Variants in TMEM232 observed in about 807,000 individuals in gnomAD.
The protein encoded by TMEM232 is transmembrane protein 232.
In TMEM232, 80 loss-of-function variants were observed where a neutral mutation model predicts 78.8. That is an observed-to-expected ratio of 1.01 (90% CI 0.85 to 1.22). TMEM232 has a LOEUF of 1.22. Ranked by LOEUF, TMEM232 falls within the 50% of genes most tolerant of loss-of-function variation. The probability of loss-of-function intolerance (pLI) is 0.00; values close to 1 mark genes in which losing one functional copy is unlikely to be tolerated. For missense variants in TMEM232, 881 were observed against 742.2 expected (o/e 1.19, Z -2.17); for synonymous variants, 297 against 254.3 (o/e 1.17, Z -1.60).
chr5:110,543,851 T>C (rs560757014), intron 11 of TMEM232, among the ~76,000 whole-genome samples: 3 of 152,310 alleles, frequency 2.0e-5, no homozygotes, highest in Admixed American at 2.0e-4. Flanking sequence ...AATAAGATCA[T>C]GATTATACTT....
Position 110,528,569 on chromosome 5 carries a change from C to A in TMEM232, c.1703+19G>T. 1 of 1,508,340 alleles carries A rather than the reference C, an allele frequency of 6.6e-7. No homozygotes were observed. The highest frequency in any genetic ancestry group is 1.3e-5 in the South Asian group (1 of 77,816). The allele number at this position is 1,508,340 out of a possible 1,614,324, so 93.4% of individuals were successfully genotyped here. A position where few individuals can be genotyped will look rare whatever the true frequency, so the allele number is the denominator to read the frequency against. Reference sequence around the variant, plus strand: ...TTGTAATGTATTAGAACAATAAAACCGATAGTACTTCTCTTTACCTTACAG... The same window carrying A: ...TTGTAATGTATTAGAACAATAAAACAGATAGTACTTCTCTTTACCTTACAG... On this transcript the variant is annotated intron_variant, in intron 12 of 13. Transcript: ENST00000455884.
At chr5:110,456,674 C>T (rs75781932) in intron 12 of TMEM232, among the ~76,000 whole-genome samples, 2,489 of 152,114 alleles carry the variant, frequency 0.016, 39 homozygotes, top group African/African-American at 0.044. Flanking sequence ...TCAAGACAGA[C>T]AATTAGATCA....
At chr5:110,629,310 A>G (rs1191643222) in intron 5 of TMEM232, among the ~76,000 whole-genome samples, 1 of 152,152 alleles carries the variant, frequency 6.6e-6, no homozygotes, top group Admixed American at 6.5e-5. Flanking sequence ...GTCAGCATGA[A>G]TAACATTTGT....
chr5:110,628,276 G>A (rs1784666514), intron 5 of TMEM232, among the ~76,000 whole-genome samples: 1 of 152,008 alleles, frequency 6.6e-6, no homozygotes, highest in Non-Finnish European at 1.5e-5. Context: ...GTATATAAAT[G>A]AGTGTATATT....
At chr5:110,412,505 G>A (rs1353042817) in intron 2 of TMEM232, among the ~76,000 whole-genome samples, 1 of 151,444 alleles carries the variant, frequency 6.6e-6, no homozygotes, top group Non-Finnish European at 1.5e-5. Flanking sequence ...TGTCGAATAT[G>A]TGACTTAAAA....
Position 110,396,535 on chromosome 5 carries a change from A to G in TMEM232, n.390+1238T>C, listed in dbSNP as rs148732699. 4.1e-3 allele frequency among the ~76,000 whole-genome samples: 625 copies of G among 152,320 alleles called. 8 individuals carry two copies. Among genetic ancestry groups the G allele is most frequent in the South Asian group, 0.031 (149 of 4,822 alleles). On this transcript the variant is annotated intron_variant and non_coding_transcript_variant, in intron 3 of 8. Coordinates refer to the TMEM232 transcript ENST00000507188. ...ATGTGAGGTATGTTTTGGGGCATCA[A>G]GCTTCTGGTTAGCATTGCTTGTGCA... is the stretch of plus-strand genomic sequence containing the variant.
At chr5:110,492,260 CA>C (rs1765187252) in intron 12 of TMEM232, among the ~76,000 whole-genome samples, 1 of 151,234 alleles carries the variant, frequency 6.6e-6, no homozygotes, top group African/African-American at 2.4e-5. Context: ...ATATTATTAA[CA>C]GAAAGGAAAA....
At chr5:110,618,362 G>T (rs1249785517) in intron 8 of TMEM232, 67 bp downstream of exon 8, 3 of 1,526,670 alleles carry the variant, frequency 2.0e-6, no homozygotes, top group Non-Finnish European at 2.6e-6. Context: ...TAGGTACAAG[G>T]GTTATTTAAC....
intron 1 of TMEM232, among the ~76,000 whole-genome samples, chr5:110,722,794 G>T (rs1797778903): frequency 6.6e-6 from 1 of 152,174 alleles, no homozygotes; most frequent in Non-Finnish European, 1.5e-5. Context: ...CACAGCCATA[G>T]TACTTTTTAT....
intron 12 of TMEM232, among the ~76,000 whole-genome samples, chr5:110,485,295 TAC>T (rs1380009859): frequency 6.6e-6 from 1 of 152,182 alleles, no homozygotes; most frequent in Non-Finnish European, 1.5e-5. Context: ...CAGCAGAATA[TAC>T]ATTCTTCTCA....
intron 10 of TMEM232, among the ~76,000 whole-genome samples, chr5:110,597,390 C>A (rs1375512132): frequency 6.6e-6 from 1 of 152,168 alleles, no homozygotes; most frequent in Admixed American, 6.5e-5. Flanking sequence ...AAGAATATTC[C>A]ATGCTCATGG....
chr5:110,643,294 G>A (rs1372519446), intron 2 of TMEM232, among the ~76,000 whole-genome samples: 1 of 151,978 alleles, frequency 6.6e-6, no homozygotes, highest in South Asian at 2.1e-4. Flanking sequence ...CATCCAAGTG[G>A]AGATGGAGTG....
At chr5:110,647,529 C>T (rs746585273) in intron 2 of TMEM232, among the ~76,000 whole-genome samples, 2 of 151,586 alleles carry the variant, frequency 1.3e-5, no homozygotes, top group African/African-American at 2.4e-5. Context: ...AGTTTTTTGT[C>T]GTGTTTTTAT....
chr5:110,532,222 CA>C (rs1771610861), intron 11 of TMEM232, among the ~76,000 whole-genome samples: 2 of 152,040 alleles, frequency 1.3e-5, no homozygotes, highest in Non-Finnish European at 2.9e-5. Flanking sequence ...CTGTTCAACT[CA>C]CCTGGCAGCC....
chr5:110,683,038 A>T (rs150210776), intron 1 of TMEM232, among the ~76,000 whole-genome samples: 1 of 152,218 alleles, frequency 6.6e-6, no homozygotes, highest in Non-Finnish European at 1.5e-5. Flanking sequence ...CAGTTATCTC[A>T]TCTACAAATA....
chr5:110,692,149 C>T (rs934549397), intron 1 of TMEM232, among the ~76,000 whole-genome samples: 7 of 152,098 alleles, frequency 4.6e-5, no homozygotes, highest in African/African-American at 1.2e-4. Flanking sequence ...TCTTGTACTC[C>T]GGACTCATGA....
intron 7 of TMEM232, among the ~76,000 whole-genome samples, chr5:110,624,363 T>C (rs1784147266): frequency 6.6e-6 from 1 of 151,688 alleles, no homozygotes; most frequent in Admixed American, 6.6e-5. Context: ...CTGATGATGG[T>C]GATGATGATG....
intron 12 of TMEM232, among the ~76,000 whole-genome samples, chr5:110,472,503 C>T (rs1762792342): frequency 1.3e-5 from 2 of 151,834 alleles, no homozygotes; most frequent in South Asian, 4.1e-4. Flanking sequence ...CAATGCAATA[C>T]CTATCAAAAT....
chr5:110,673,306 G>A (rs933319872), intron 1 of TMEM232, among the ~76,000 whole-genome samples: 1 of 151,606 alleles, frequency 6.6e-6, no homozygotes, highest in African/African-American at 2.4e-5. Flanking sequence ...CCTGTTGTGG[G>A]GTGGCGGGAG....
Sources: allele counts gnomAD v4.1 joint callset (sites outside exome capture counted in the v4.1 genomes callset), GRCh38; gene constraint gnomAD v4.1.1; transcripts MANE v1.5; gene names NCBI Gene and HGNC (gene_info 2026-07-23, HGNC 2026-07-21).